The following SYNPO variants were observed in gnomAD, a reference collection of about 807,000 sequenced individuals.
SYNPO encodes synaptopodin.
A neutral mutation model predicts 49.5 loss-of-function variants in SYNPO; 19 were observed. The ratio of observed to expected loss-of-function variants is 0.38; its 90% CI spans 0.27 to 0.56. The LOEUF is 0.56. Among genes scored for constraint, SYNPO ranks in the 20% least tolerant of loss-of-function variants. SYNPO has a pLI of 0.68. For synonymous variants in SYNPO, 536 were observed against 548.0 expected (o/e 0.98, Z 0.31); for missense variants, 1,131 against 1,248.3 (o/e 0.91, Z 1.42).
At chr5:150,654,307 A>T (rs1442543702) in intron 2 of SYNPO, 1 of 151,894 alleles carries the variant, frequency 6.6e-6, no homozygotes, top group African/African-American at 2.4e-5. Flanking sequence ...CAAGCCCTCC[A>T]CTTTCAAACC....
intron 2 of SYNPO, among the ~76,000 whole-genome samples, chr5:150,620,545 G>A (rs1485740115): frequency 2.0e-5 from 3 of 152,212 alleles, no homozygotes; most frequent in Admixed American, 2.0e-4. Context: ...TGAACACGAG[G>A]CTTGTGCTCT....
chr5:150,587,644 A>G, the SYNPO span, among the ~76,000 whole-genome samples: 1 of 152,234 alleles, frequency 6.6e-6, no homozygotes, highest in Non-Finnish European at 1.5e-5. Flanking sequence ...AATAAAACAT[A>G]GCATTATAAT....
At chr5:150,589,988 G>A in the SYNPO span, among the ~76,000 whole-genome samples, 1 of 152,252 alleles carries the variant, frequency 6.6e-6, no homozygotes, top group Non-Finnish European at 1.5e-5. Context: ...CTAGTGGGGA[G>A]AGGACAGGCT....
In SYNPO at chr5:150,649,881, C is replaced by A. The variant is rs763963486; in HGVS notation, c.1606C>A (p.Pro536Thr). The change falls in exon 2 of 3, where the codon CCA becomes ACA. Residue 536 changes from proline to threonine, a missense_variant. Pro to Thr is a conservative substitution (Grantham distance 38, BLOSUM62 -1). Around this residue, in one of 4 missense-constraint regions of SYNPO, gnomAD observed 602 missense variants for 720.7 expected, o/e 0.84. Coordinates refer to ENST00000307662, the MANE Select transcript of SYNPO (RefSeq NM_007286.6). ...PGAFRVASRS[P>T]ARTPPASLYH... Reference sequence around the variant, plus strand: ...GGCCTTCCGAGTGGCATCCCGAAGCCCAGCCCGGACCCCGCCTGCCTCCCT... The same window carrying A: ...GGCCTTCCGAGTGGCATCCCGAAGCACAGCCCGGACCCCGCCTGCCTCCCT... 1 of 1,609,834 alleles carries A rather than the reference C, an allele frequency of 6.2e-7. No homozygotes were observed.
At chr5:150,651,723 G>A in intron 2 of SYNPO, 1 of 1,000,516 alleles carries the variant, frequency 1.0e-6, no homozygotes, top group Non-Finnish European at 1.2e-6. Flanking sequence ...GGAAAATCTG[G>A]GACTTGAGAC....
chr5:150,617,927 C>A (rs1039491395), intron 1 of SYNPO, among the ~76,000 whole-genome samples: 1 of 152,042 alleles, frequency 6.6e-6, no homozygotes, highest in African/African-American at 2.4e-5. Context: ...TGGTGAAAAT[C>A]CAGGATGTTA....
At chr5:150,615,853 G>A (rs1416893282) in intron 1 of SYNPO, among the ~76,000 whole-genome samples, 2 of 152,204 alleles carry the variant, frequency 1.3e-5, no homozygotes, top group Non-Finnish European at 2.9e-5. Context: ...CCTTAGGCAA[G>A]AAGTCACTTC....
At chr5:150,652,603 T>A in intron 2 of SYNPO, 1 of 182,928 alleles carries the variant, frequency 5.5e-6, no homozygotes, top group Non-Finnish European at 1.0e-5. Context: ...TTTCCTTCCC[T>A]CAGAGTTTGG....
At position 150,648,040 on chromosome 5, in the gene SYNPO, C is replaced by A. The variant is rs766285028; in HGVS notation, c.-236C>A. The A allele has an allele frequency of 1.3e-6, 2 of 1,551,748 alleles. No individual in the cohort carries two copies. Among genetic ancestry groups the A allele is most frequent in the Non-Finnish European group, 1.7e-6 (2 of 1,147,016 alleles). The stretch of plus-strand genomic sequence containing the variant: ...GCCCAGCTGACCACCCCTCCCAGCT[C>A]CAATTCCCGTGGCGTCCAGCTCTTC... On this transcript the variant is annotated 5_prime_UTR_variant, in exon 2 of 3. Coordinates refer to ENST00000307662, the MANE Select transcript of SYNPO (RefSeq NM_007286.6). This position sits in a 1 kb window ranked among gnomAD's most constrained non-coding sequence, Gnocchi z 5.0.
At chr5:150,590,045 G>C in the SYNPO span, among the ~76,000 whole-genome samples, 19 of 152,360 alleles carry the variant, frequency 1.2e-4, no homozygotes, top group Admixed American at 1.2e-3. Context: ...CGCGCAGAGG[G>C]CTGCCAAGAG....
the SYNPO span, among the ~76,000 whole-genome samples, chr5:150,587,027 G>A: frequency 6.6e-6 from 1 of 152,114 alleles, no homozygotes; most frequent in Non-Finnish European, 1.5e-5. Flanking sequence ...TTCATGGATG[G>A]ATATGTGGAT....
intron 1 of SYNPO, 58 bp downstream of exon 1, chr5:150,640,912 A>G (rs1490535588): frequency 5.7e-6 from 5 of 873,448 alleles, no homozygotes; most frequent in Non-Finnish European, 6.9e-6. Flanking sequence ...GACTTAGGGC[A>G]TGTGGCATCC....
the SYNPO span, among the ~76,000 whole-genome samples, chr5:150,592,406 G>A: frequency 6.6e-6 from 1 of 152,132 alleles, no homozygotes; most frequent in African/African-American, 2.4e-5. Context: ...AGTTTTTAAA[G>A]GAACAGCTTT....
chr5:150,637,523 C>T (rs199740997), upstream of SYNPO, among the ~76,000 whole-genome samples: 14 of 152,218 alleles, frequency 9.2e-5, no homozygotes, highest in East Asian at 5.8e-4. Flanking sequence ...CCACCTGCCA[C>T]GACTGAGGGA....
chr5:150,623,930 C>T (rs942865463), intron 2 of SYNPO, among the ~76,000 whole-genome samples: 2 of 152,220 alleles, frequency 1.3e-5, no homozygotes, highest in African/African-American at 4.8e-5. Context: ...AGGGTACTTG[C>T]CATCAGTCCT....
At chr5:150,621,501 G>C (rs1015023702) in intron 2 of SYNPO, among the ~76,000 whole-genome samples, 2 of 152,194 alleles carry the variant, frequency 1.3e-5, no homozygotes, top group African/African-American at 4.8e-5. Context: ...CCTTCCTGGA[G>C]ATCAGGAGGG....
rs755114218 is a variant in SYNPO at position 150,648,925 on chromosome 5, C to T, written c.650C>T (p.Thr217Met). Residue 217 changes from threonine (T) to methionine (M), a missense_variant, in exon 2 of 3, where the codon ACG (threonine) becomes ATG (methionine). Thr to Met is a moderately conservative substitution (Grantham distance 81). Transcript: ENST00000307662. This position sits in a 1 kb window ranked among gnomAD's most constrained non-coding sequence, Gnocchi z 5.0. ...QEMSGRAAATTPTKVYSEVHF... is the reference protein window; with the variant it reads ...QEMSGRAAATMPTKVYSEVHF... ...ATGTCTGGGCGAGCAGCTGCCACCA[C>T]GCCCACCAAGGTCTACAGTGAGGTC... The T allele has an allele frequency of 3.3e-5, 54 of 1,614,150 alleles. 1 individual carries two copies. The highest frequency in any genetic ancestry group is 1.6e-4 in the Middle Eastern group (1 of 6,084).
intron 2 of SYNPO, among the ~76,000 whole-genome samples, chr5:150,632,061 G>A (rs558445782): frequency 9.2e-5 from 14 of 152,288 alleles, no homozygotes; most frequent in South Asian, 6.2e-4. Context: ...CCAAAACCCC[G>A]GGATGGCAGG....
chr5:150,611,977 T>C (rs1376198786), intron 1 of SYNPO, among the ~76,000 whole-genome samples: 1 of 151,972 alleles, frequency 6.6e-6, no homozygotes, highest in African/African-American at 2.4e-5. Flanking sequence ...AATGCTGGGG[T>C]TTCTCATGCT....
Sources: gnomAD v4.1 joint callset for allele counts (sites outside exome capture counted in the v4.1 genomes callset) on GRCh38, gnomAD v4.1.1 for gene constraint, gnomAD v4.1.1 regional missense constraint, Gnocchi (gnomAD v3.1) non-coding constraint, MANE v1.5 for transcripts, NCBI Gene and HGNC (gene_info 2026-07-23, HGNC 2026-07-21) for gene names.